Variants in SI observed in about 807,000 individuals in gnomAD.
SI encodes sucrase-isomaltase, intestinal.
In SI, 235 loss-of-function variants were observed where a neutral mutation model predicts 253.3. The observed-to-expected ratio is 0.93, with a 90% CI of 0.83 to 1.03. The LOEUF is 1.03. SI is among the 50% of genes least tolerant of loss of function. The probability of loss-of-function intolerance (pLI) is 0.00; values close to 1 mark genes in which losing one functional copy is unlikely to be tolerated. For synonymous variants in SI, 819 were observed against 712.0 expected, an observed-to-expected ratio of 1.15 and a Z score of -2.39; for missense variants, 2,442 against 2,211.1, an observed-to-expected ratio of 1.10 and a Z score of -2.09.
chr3:165,049,188 A>G lies in SI; in HGVS notation c.1654T>C (p.Trp552Arg), dbSNP rs1034161542. The G allele has an allele frequency of 1.9e-6, 3 of 1,612,476 alleles. No individual in the cohort carries two copies. Among genetic ancestry groups the G allele is most frequent in the Non-Finnish European group, 2.5e-6 (3 of 1,178,888 alleles). The change falls in exon 15 of 48, where the codon TGG (tryptophan) becomes CGG (arginine). Residue 552 changes from tryptophan (W) to arginine (R), a missense_variant. Physicochemically the swap from Trp to Arg is moderately radical, Grantham distance 101. Transcript: ENST00000264382. ...CTATGAACATCATACTGTTTACCCCAGTTCTGCACAGCATCCATGCAAATT... is the reference window on the plus strand; with the variant it reads ...CTATGAACATCATACTGTTTACCCCGGTTCTGCACAGCATCCATGCAAATT... ...KTICMDAVQNWGKQYDVHSLY... is the reference protein window; with the variant it reads ...KTICMDAVQNRGKQYDVHSLY...
the SI span, among the ~76,000 whole-genome samples, chr3:165,086,748 T>A: frequency 6.6e-6 from 1 of 152,190 alleles, no homozygotes; most frequent in African/African-American, 2.4e-5. Flanking sequence ...TATTAGCTCT[T>A]GTGTTCTTGA....
intron 3 of SI, among the ~76,000 whole-genome samples, chr3:165,070,451 TTGGA>T (rs1480925952): frequency 6.6e-6 from 1 of 150,582 alleles, no homozygotes; most frequent in Admixed American, 6.7e-5. Flanking sequence ...TGGGGTACAA[TTGGA>T]TCTAATAACT....
intron 12 of SI, among the ~76,000 whole-genome samples, chr3:165,057,965 C>T (rs1172505370): frequency 1.3e-5 from 2 of 151,832 alleles, no homozygotes; most frequent in Non-Finnish European, 2.9e-5. Context: ...AATATTGTAT[C>T]CTATGGCTAC....
At chr3:164,990,775 A>T (rs1717694346) in intron 44 of SI, among the ~76,000 whole-genome samples, 1 of 152,100 alleles carries the variant, frequency 6.6e-6, no homozygotes. Context: ...GAGGGATAGC[A>T]TTAGGAGATA....
At chr3:165,053,113 T>G (rs879435170) in intron 13 of SI, among the ~76,000 whole-genome samples, 2 of 151,780 alleles carry the variant, frequency 1.3e-5, no homozygotes, top group Non-Finnish European at 2.9e-5. Flanking sequence ...ATAGTTTTGG[T>G]CTTAATTACA....
chr3:165,005,334 A>G (rs1209120867), intron 37 of SI, among the ~76,000 whole-genome samples: 1 of 152,172 alleles, frequency 6.6e-6, no homozygotes, highest in Non-Finnish European at 1.5e-5. Context: ...GTATACTTAA[A>G]AAAAACCCTA....
At chr3:164,983,202 T>C in intron 45 of SI, 151 bp from the exon 46 acceptor site, 1 of 750,112 alleles carries the variant, frequency 1.3e-6, no homozygotes, top group South Asian at 1.8e-5. Flanking sequence ...TTTAACTAAT[T>C]CAGATACAAT....
chr3:164,983,764 T>G (rs1717309790), intron 45 of SI, among the ~76,000 whole-genome samples: 1 of 151,960 alleles, frequency 6.6e-6, no homozygotes, highest in African/African-American at 2.4e-5. Flanking sequence ...TTTTTTATTT[T>G]TTTAATTTTG....
chr3:164,994,934 T>C (rs75686966), intron 40 of SI, among the ~76,000 whole-genome samples: 7,856 of 151,806 alleles, frequency 0.052, 684 homozygotes, highest in African/African-American at 0.18. Flanking sequence ...GAGTATGCTC[T>C]GGAATGCACA....
chr3:164,988,177 T>A (rs1283609458), intron 44 of SI, among the ~76,000 whole-genome samples: 1 of 152,186 alleles, frequency 6.6e-6, no homozygotes, highest in Non-Finnish European at 1.5e-5. Context: ...GTTTTAGCTG[T>A]CTGCCTTTTC....
intron 37 of SI, among the ~76,000 whole-genome samples, chr3:164,999,121 T>C (rs1559982886): frequency 2.0e-5 from 3 of 151,846 alleles, no homozygotes; most frequent in Non-Finnish European, 4.4e-5. Context: ...TCATACTCTT[T>C]GCTTTAAAGG....
At chr3:165,079,182 C>T (rs1198548946), upstream of SI, among the ~76,000 whole-genome samples, 1 of 151,420 alleles carries the variant, frequency 6.6e-6, no homozygotes, top group Non-Finnish European at 1.5e-5. Context: ...TGTTTAAAAG[C>T]AATGGATTTG....
the SI span, among the ~76,000 whole-genome samples, chr3:165,083,806 T>C: frequency 6.6e-6 from 1 of 151,908 alleles, no homozygotes; most frequent in African/African-American, 2.4e-5. Context: ...ATAGATACAC[T>C]GAATAAACAT....
At position 165,043,864 on chromosome 3, in the gene SI, A is replaced by G. The variant is rs978583144; in HGVS notation, c.1888-689T>C. 2.6e-5 allele frequency among the ~76,000 whole-genome samples: 4 copies of G among 151,994 alleles called. No individual in the cohort carries two copies. The Admixed American group carries it at 2.6e-4, about 10-fold the overall frequency. ...TAATTTCCTTTTTGTGTGAAATTCA[A>G]TTATATTAATGTCACTCTAGTTCTC... On this transcript the variant is annotated intron_variant, in intron 16 of 47. Coordinates refer to ENST00000264382, the MANE Select transcript of SI (RefSeq NM_001041.4).
At chr3:165,077,179 T>C (rs571943941) in intron 1 of SI, among the ~76,000 whole-genome samples, 4 of 151,686 alleles carry the variant, frequency 2.6e-5, no homozygotes, top group East Asian at 1.9e-4. Context: ...CACCACAGCA[T>C]AATTTTTAGA....
intron 44 of SI, among the ~76,000 whole-genome samples, chr3:164,987,569 C>T (rs763340137): frequency 6.6e-6 from 1 of 152,014 alleles, no homozygotes; most frequent in Non-Finnish European, 1.5e-5. Flanking sequence ...ATTAGCTGGG[C>T]GTGGTGGCAG....
intron 18 of SI, among the ~76,000 whole-genome samples, chr3:165,040,583 C>T (rs1242266315): frequency 1.3e-5 from 2 of 151,954 alleles, no homozygotes; most frequent in Non-Finnish European, 2.9e-5. Context: ...AGCACAATTT[C>T]CCTTTTTTGT....
At position 165,077,032 on chromosome 3, in the gene SI, C is replaced by T. The variant is rs75038408; in HGVS notation, c.1-1020G>A. On this transcript the variant is annotated intron_variant, in intron 1 of 47. Coordinates refer to ENST00000264382, the MANE Select transcript of SI (RefSeq NM_001041.4). ...GGTCCCTGTTCTGTAACTATGTCAA[C>T]TCATGTACCCAGTTGTCCCAACCTA... Among the ~76,000 whole-genome samples, 223 of 145,036 alleles carry T rather than the reference C, an allele frequency of 1.5e-3. 1 individual carries two copies. The East Asian group carries it at 0.035, about 23-fold the overall frequency.
intron 28 of SI, among the ~76,000 whole-genome samples, chr3:165,019,135 A>G (rs1472034183): frequency 1.3e-5 from 2 of 151,974 alleles, no homozygotes; most frequent in African/African-American, 4.8e-5. Context: ...TGAGTATATA[A>G]AAACACATTG....
Sources: allele counts gnomAD v4.1 joint callset (sites outside exome capture counted in the v4.1 genomes callset), GRCh38; gene constraint gnomAD v4.1.1; transcripts MANE v1.5; gene names NCBI Gene and HGNC (gene_info 2026-07-23, HGNC 2026-07-21).